The following CR1 variants were observed in gnomAD, a reference collection of about 807,000 sequenced individuals.
CR1 encodes the protein complement C3b/C4b receptor 1 (Knops blood group), also known as complement receptor type 1.
In CR1, 116 loss-of-function variants were observed where a neutral mutation model predicts 187.3. The observed-to-expected ratio is 0.62, with a 90% confidence interval of 0.53 to 0.72. The LOEUF (loss-of-function observed/expected upper bound fraction) is 0.72, where lower values mean the gene tolerates loss of function less well. Among genes scored for constraint, CR1 ranks in the 30% least tolerant of loss-of-function variants. CR1 has a pLI of 0.00. For missense variants in CR1, 1,731 were observed against 2,110.7 expected (o/e 0.82, Z 3.52); for synonymous variants, 576 against 747.1 (o/e 0.77, Z 3.73).
At chr1:207,581,147 T>C (rs1285251433) in intron 31 of CR1, among the ~76,000 whole-genome samples, 1 of 152,088 alleles carries the variant, frequency 6.6e-6, no homozygotes, top group African/African-American at 2.4e-5. Flanking sequence ...GACACGTATA[T>C]GTATACGTAT....
At chr1:207,562,985 AT>A (rs1030419357) in intron 21 of CR1, among the ~76,000 whole-genome samples, 1 of 86,846 alleles carries the variant, frequency 1.2e-5, no homozygotes, top group African/African-American at 4.1e-5. Context: ...TAAAGAAGTC[AT>A]TTTTCTATTC....
At chr1:207,619,216 C>G (rs370473407) in intron 42 of CR1, among the ~76,000 whole-genome samples, 1 of 151,054 alleles carries the variant, frequency 6.6e-6, no homozygotes, top group Non-Finnish European at 1.5e-5. Context: ...AACCCCGTCT[C>G]TACCAAAAAT....
intron 45 of CR1, among the ~76,000 whole-genome samples, chr1:207,623,587 AACACACACACACACACACACACAC>A (rs55918544): frequency 1.1e-4 from 16 of 144,228 alleles, no homozygotes; most frequent in East Asian, 4.2e-4. Flanking sequence ...TACATCTCAA[AACACACACACACACACACACACAC>A]ACACACACAC....
intron 27 of CR1, among the ~76,000 whole-genome samples, chr1:207,573,378 C>A (rs191081673): frequency 3.9e-5 from 6 of 152,302 alleles, no homozygotes; most frequent in African/African-American, 1.4e-4. Context: ...TCCGATGTCT[C>A]CTTTTCTCTC....
intron 4 of CR1, among the ~76,000 whole-genome samples, chr1:207,522,380 A>G (rs1660025399): frequency 6.6e-6 from 1 of 152,230 alleles, no homozygotes; most frequent in Admixed American, 6.5e-5. Context: ...GTGGCCTCAG[A>G]ACACATCAGA....
intron 32 of CR1, among the ~76,000 whole-genome samples, chr1:207,582,426 G>A (rs1426878075): frequency 1.3e-5 from 2 of 152,160 alleles, no homozygotes; most frequent in African/African-American, 4.8e-5. Context: ...TCTGGGAACT[G>A]GGGATATACC....
chr1:207,627,197 AC>A (rs1340739223), intron 45 of CR1, among the ~76,000 whole-genome samples: 1 of 151,962 alleles, frequency 6.6e-6, no homozygotes, highest in Non-Finnish European at 1.5e-5. Flanking sequence ...ACATGACCCC[AC>A]CCCCACATTC....
chr1:207,612,042 G>T lies in CR1; in HGVS notation c.6575+1G>T, dbSNP rs766024566. 2.7e-5 allele frequency: 44 copies of T among 1,613,726 alleles called. No individual in the cohort carries two copies. Among genetic ancestry groups the T allele is most frequent in the Non-Finnish European group, 3.6e-5 (43 of 1,179,760 alleles). Reference sequence around the variant, plus strand: ...AGGTGTCCTTTGTTTGCGATGAAGGGTGAGTGTGACCCAGCGTTGAGACCA... The same window carrying T: ...AGGTGTCCTTTGTTTGCGATGAAGGTTGAGTGTGACCCAGCGTTGAGACCA... On this transcript the variant is annotated splice_donor_variant, in intron 39 of 46. Coordinates refer to ENST00000367049, the MANE Select transcript of CR1 (RefSeq NM_000651.6). LOFTEE classifies it high-confidence loss of function.
At chr1:207,617,612 TAGAGAGAGAGAGAGAGAGAGAGAGAGAG>T (rs1156448710) in intron 41 of CR1, among the ~76,000 whole-genome samples, 221 of 22,054 alleles carry the variant, frequency 0.01, 3 homozygotes, top group Middle Eastern at 0.087. Flanking sequence ...TATATATATA[TAGAGAGAGAGAGAGAGAGAGAGAGAGAG>T]AGAGAGAGAG....
rs1660410859 is a variant in CR1, at chr1:207,564,148, C to T, written c.3780C>T (p.Asp1260=). The T allele has an allele frequency of 6.4e-7, 1 of 1,574,246 alleles. No individual in the cohort carries two copies. The highest frequency in any genetic ancestry group is 8.6e-7 in the Non-Finnish European group (1 of 1,163,740). Residue 1260 remains aspartate, a synonymous_variant, in exon 23 of 47, where the codon GAC becomes GAT. Coordinates refer to ENST00000367049, the MANE Select transcript of CR1 (RefSeq NM_000651.6). Reference sequence around the variant, plus strand: ...TATCTCCAGTGAAATCCTGTGATGACTTCATGGGCCAACTTCTTAATGGCC... The same window carrying T: ...TATCTCCAGTGAAATCCTGTGATGATTTCATGGGCCAACTTCTTAATGGCC... ...APTCEVKSCD[D]FMGQLLNGRV... is the part of the protein sequence containing the mutation.
At chr1:207,581,220 A>ACACGTATATGTAGACGTATACATATGGG (rs1660932384) in intron 31 of CR1, among the ~76,000 whole-genome samples, 2 of 146,430 alleles carry the variant, frequency 1.4e-5, no homozygotes, top group African/African-American at 5.0e-5. Context: ...ATACATATGG[A>ACACGTATATGTAGACGTATACATATGGG]CACGTATATG....
chr1:207,618,166 C>T lies in CR1; in HGVS notation c.6985C>T (p.Pro2329Ser). The T allele has an allele frequency of 6.2e-6, 10 of 1,613,790 alleles. No individual in the cohort carries two copies. The highest frequency in any genetic ancestry group is 8.5e-6 in the Non-Finnish European group (10 of 1,179,814). ...GATGACAATCAGCTACATTTGTGAC[C>T]CCGGCTACCTGTTAGTGGGAAAGGG... is the stretch of plus-strand genomic sequence containing the variant. ...PGMTISYICD[P>S]GYLLVGKGFI... The change falls in exon 42 of 47, where the codon CCC (proline) becomes TCC (serine). Residue 2329 changes from proline to serine, a missense_variant. By Grantham distance (74) the Pro-to-Ser change is moderately conservative (BLOSUM62 -1). This residue lies in a region of CR1 where 1,312 missense variants were observed against 1,379.6 expected (regional missense o/e 0.95). Coordinates refer to ENST00000367049, the MANE Select transcript of CR1 (RefSeq NM_000651.6).
At chr1:207,508,819 G>C (rs908126980) in intron 3 of CR1, among the ~76,000 whole-genome samples, 16 of 151,988 alleles carry the variant, frequency 1.1e-4, no homozygotes, top group African/African-American at 3.9e-4. Context: ...ATCTTCCTTG[G>C]AATGTAGCAA....
chr1:207,592,211 C>T (rs550617250), intron 35 of CR1, among the ~76,000 whole-genome samples: 5 of 152,264 alleles, frequency 3.3e-5, no homozygotes, highest in South Asian at 4.1e-4. Flanking sequence ...TACTGGCAAA[C>T]AAAATTCAGC....
rs374732257 is a variant in CR1 at position 207,609,485 on chromosome 1, C to A, written c.6092C>A (p.Pro2031His). ...KDDQVGVWSS[P>H]PPRCISTNKC... The stretch of plus-strand genomic sequence containing the variant: ...GATCAAGTTGGTGTTTGGAGCAGCC[C>A]TCCCCCTCGGTGTATTTCTACTAAT... Residue 2031 changes from proline to histidine, a missense_variant, in exon 37 of 47, where the codon CCT (proline) becomes CAT (histidine). Coordinates refer to ENST00000367049, the MANE Select transcript of CR1 (RefSeq NM_000651.6). 1 of 1,613,850 alleles carries A rather than the reference C, an allele frequency of 6.2e-7. No homozygotes were observed. The highest frequency in any genetic ancestry group is 1.3e-5 in the African/African-American group (1 of 74,918).
intron 41 of CR1, among the ~76,000 whole-genome samples, chr1:207,617,610 T>TAG (rs1662178344): frequency 1.1e-4 from 1 of 9,332 alleles, no homozygotes; most frequent in Non-Finnish European, 1.9e-4. Context: ...TATATATATA[T>TAG]ATAGAGAGAG....
At chr1:207,513,412 T>C (rs1356451114) in intron 4 of CR1, among the ~76,000 whole-genome samples, 1 of 152,190 alleles carries the variant, frequency 6.6e-6, no homozygotes, top group Non-Finnish European at 1.5e-5. Context: ...CAGAGGATGC[T>C]GAAACTCCCC....
In CR1 at chr1:207,505,939, A is replaced by G. The variant is rs768171570; in HGVS notation, c.157A>G (p.Arg53Gly). 1.5e-5 allele frequency: 25 copies of G among 1,613,832 alleles called. No homozygotes were observed. The highest frequency in any genetic ancestry group is 1.2e-4 in the Admixed American group (7 of 59,998). ...TGCCCCAGAATGGCTTCCATTTGCC[A>G]GGCCTACCAACCTAACTGATGAATT... ...CNAPEWLPFA[R>G]PTNLTDEFEF... is the part of the protein sequence containing the mutation. The change falls in exon 2 of 47, where the codon AGG becomes GGG. Residue 53 changes from arginine to glycine, a missense_variant. Physicochemically the swap from Arg to Gly is moderately radical, Grantham distance 125. Around this residue, in one of 5 missense-constraint regions of CR1, gnomAD observed 237 missense variants for 240.4 expected, o/e 0.99. Transcript: ENST00000367049.
intron 35 of CR1, among the ~76,000 whole-genome samples, chr1:207,601,832 G>A (rs1661614859): frequency 6.6e-6 from 1 of 150,562 alleles, no homozygotes; most frequent in African/African-American, 2.4e-5. Flanking sequence ...ATCAGATAGG[G>A]TTTTCACATA....
Sources: gnomAD v4.1 joint callset for allele counts (sites outside exome capture counted in the v4.1 genomes callset) on GRCh38, gnomAD v4.1.1 for gene constraint, gnomAD v4.1.1 regional missense constraint, MANE v1.5 for transcripts, NCBI Gene and HGNC (gene_info 2026-07-23, HGNC 2026-07-21) for gene names.